The following SCAI variants were observed in gnomAD, a reference collection of about 807,000 sequenced individuals.
SCAI encodes the protein suppressor of cancer cell invasion.
In SCAI, 24 loss-of-function variants were observed where a neutral mutation model predicts 92.2. The observed-to-expected ratio is 0.26, with a 90% CI of 0.19 to 0.37. The LOEUF (loss-of-function observed/expected upper bound fraction) is 0.37. Among genes scored for constraint, SCAI ranks in the 10% least tolerant of loss-of-function variants. The pLI is 1.00. For missense variants in SCAI, 450 were observed against 736.2 expected, an observed-to-expected ratio of 0.61 and a Z score of 4.50; for synonymous variants, 261 against 258.6, an observed-to-expected ratio of 1.01 and a Z score of -0.09.
rs550506743 is a variant in SCAI at position 124,942,653 on chromosome 9, T to C, written c.*10154A>G. 1.3e-5 allele frequency: 2 copies of C among 151,822 alleles called. No homozygotes were observed. The highest frequency in any genetic ancestry group is 3.9e-4 in the East Asian group (2 of 5,188). The allele number at this position is 151,822 out of a possible 1,614,324, so 9.4% of individuals were successfully genotyped here. On this transcript the variant is annotated 3_prime_UTR_variant, in exon 18 of 18. Coordinates refer to ENST00000336505, the MANE Select transcript of SCAI (RefSeq NM_001144877.3). ...TTTTATATTGATGATACACTTAATA[T>C]ATATGTGGATTCAAGGTACAAAATT...
intron 3 of SCAI, among the ~76,000 whole-genome samples, chr9:125,043,771 G>A (rs980314447): frequency 1.3e-5 from 2 of 152,180 alleles, no homozygotes; most frequent in Admixed American, 6.5e-5. Flanking sequence ...TGATGGTGGT[G>A]GCAGCCCATC....
intron 17 of SCAI, among the ~76,000 whole-genome samples, chr9:124,958,553 T>C (rs1238198913): frequency 2.0e-5 from 3 of 152,062 alleles, no homozygotes; most frequent in Non-Finnish European, 4.4e-5. Context: ...TAAACAAAAA[T>C]TAACTCAAAA....
At chr9:125,089,919 T>C (rs1042684150) in intron 2 of SCAI, among the ~76,000 whole-genome samples, 12 of 152,204 alleles carry the variant, frequency 7.9e-5, no homozygotes, top group African/African-American at 2.7e-4. Flanking sequence ...ATTTGGCCCA[T>C]TTCCAATAAC....
chr9:125,139,075 A>G (rs951480678), intron 2 of SCAI, among the ~76,000 whole-genome samples: 9 of 152,194 alleles, frequency 5.9e-5, no homozygotes, highest in Non-Finnish European at 1.3e-4. Flanking sequence ...CTTGTCAAGG[A>G]GCAAGGAGAA....
chr9:125,115,231 G>C (rs1835014958), intron 2 of SCAI, among the ~76,000 whole-genome samples: 2 of 151,926 alleles, frequency 1.3e-5, no homozygotes, highest in Non-Finnish European at 2.9e-5. Flanking sequence ...AATTAGCCGG[G>C]CGTGGTGGTG....
At chr9:125,142,080 A>C (rs960950940) in intron 2 of SCAI, among the ~76,000 whole-genome samples, 1 of 152,100 alleles carries the variant, frequency 6.6e-6, no homozygotes, top group African/African-American at 2.4e-5. Context: ...ACAGGTCCAC[A>C]ACACCCGCTC....
chr9:125,007,568 T>C (rs1832537178), intron 9 of SCAI, among the ~76,000 whole-genome samples: 1 of 152,032 alleles, frequency 6.6e-6, no homozygotes, highest in Non-Finnish European at 1.5e-5. Flanking sequence ...GAAGATCACT[T>C]CAGCCTGGGA....
chr9:125,036,859 G>A (rs1334388828), intron 3 of SCAI, among the ~76,000 whole-genome samples: 3 of 152,236 alleles, frequency 2.0e-5, no homozygotes, highest in Non-Finnish European at 4.4e-5. Context: ...GATGGCTCAT[G>A]CCTGTAGTCC....
intron 14 of SCAI, among the ~76,000 whole-genome samples, chr9:124,988,444 C>T (rs1443741998): frequency 6.6e-6 from 1 of 151,836 alleles, no homozygotes; most frequent in Non-Finnish European, 1.5e-5. Context: ...TTTAAATGAT[C>T]ACTGATATTC....
At chr9:124,976,227 A>T in intron 14 of SCAI, 41 bp from the exon 15 acceptor site, 1 of 1,360,358 alleles carries the variant, frequency 7.4e-7, no homozygotes. Context: ...TAAAGATTTG[A>T]CCAAAGATAG....
chr9:124,964,068 A>G (rs1440665512), intron 17 of SCAI, among the ~76,000 whole-genome samples: 2 of 152,160 alleles, frequency 1.3e-5, no homozygotes, highest in Non-Finnish European at 2.9e-5. Flanking sequence ...TATGGCACCA[A>G]TCCTTCCACT....
At chr9:124,994,202 T>G (rs952409774) in intron 14 of SCAI, among the ~76,000 whole-genome samples, 1 of 152,080 alleles carries the variant, frequency 6.6e-6, no homozygotes, top group Non-Finnish European at 1.5e-5. Flanking sequence ...GCCTGGCTAA[T>G]TTTATATTTT....
In SCAI at chr9:125,091,467, T is replaced by C. The variant is rs1688405455; in HGVS notation, c.99-35460A>G. 6.6e-6 allele frequency among the ~76,000 whole-genome samples: 1 copy of C among 152,240 alleles called. No individual in the cohort carries two copies. Among genetic ancestry groups the C allele is most frequent in the African/African-American group, 2.4e-5 (1 of 41,454 alleles). Reference sequence around the variant, plus strand: ...TAAGTTTAGCCTTCCAAAATGGGTATAATTAAAAAGCTAAAATTCTAAATA... The same window carrying C: ...TAAGTTTAGCCTTCCAAAATGGGTACAATTAAAAAGCTAAAATTCTAAATA... On this transcript the variant is annotated intron_variant, in intron 2 of 17. Coordinates refer to ENST00000336505, the MANE Select transcript of SCAI (RefSeq NM_001144877.3). The surrounding 1 kb of genome is among the most constrained non-coding windows in gnomAD (Gnocchi z 4.3).
intron 2 of SCAI, among the ~76,000 whole-genome samples, chr9:125,108,753 C>A (rs561082495): frequency 1.3e-5 from 2 of 151,126 alleles, no homozygotes; most frequent in Non-Finnish European, 3.0e-5. Flanking sequence ...CGTCTCCGCC[C>A]GGCAGCCGCC....
chr9:125,032,255 G>A (rs1427464864), intron 3 of SCAI, among the ~76,000 whole-genome samples: 7 of 143,362 alleles, frequency 4.9e-5, no homozygotes, highest in Non-Finnish European at 7.5e-5. Context: ...GCAGTGGCGC[G>A]ATCTCGGCTC....
At chr9:124,993,045 T>C (rs1832166932) in intron 14 of SCAI, among the ~76,000 whole-genome samples, 1 of 152,232 alleles carries the variant, frequency 6.6e-6, no homozygotes, top group Non-Finnish European at 1.5e-5. Flanking sequence ...CTCTCAATGA[T>C]GCTAGATCAT....
Position 124,943,167 on chromosome 9 carries a change from C to T in SCAI, c.*9640G>A, listed in dbSNP as rs575902528. The stretch of plus-strand genomic sequence containing the variant: ...GCAATTTAGAACACAACTGACAAGA[C>T]TTTTACAATACCACAAATGTTCAAG... On this transcript the variant is annotated 3_prime_UTR_variant, in exon 18 of 18. Transcript: ENST00000336505. 1.3e-5 allele frequency: 2 copies of T among 152,294 alleles called. No individual in the cohort carries two copies. The highest frequency in any genetic ancestry group is 4.1e-4 in the South Asian group (2 of 4,822). 9.4% of individuals were successfully genotyped at this position (152,294 alleles called of 1,614,324 possible). A position where few individuals can be genotyped will look rare whatever the true frequency, so the allele number is the denominator to read the frequency against.
intron 2 of SCAI, among the ~76,000 whole-genome samples, chr9:125,106,172 G>T: frequency 2.2e-5 from 2 of 92,090 alleles, no homozygotes; most frequent in African/African-American, 4.0e-5. Flanking sequence ...TCAATATTTA[G>T]CCAATAAGAT....
At chr9:125,070,424 T>C (rs191258432) in intron 2 of SCAI, among the ~76,000 whole-genome samples, 2 of 138,438 alleles carry the variant, frequency 1.4e-5, no homozygotes, top group East Asian at 2.2e-4. Context: ...TTTTGAGACA[T>C]AGTCTCGCCC....
Sources: gnomAD v4.1 joint callset for allele counts (sites outside exome capture counted in the v4.1 genomes callset) on GRCh38, gnomAD v4.1.1 for gene constraint, Gnocchi (gnomAD v3.1) non-coding constraint, MANE v1.5 for transcripts, NCBI Gene and HGNC (gene_info 2026-07-23, HGNC 2026-07-21) for gene names.